Variants in MED15 observed in about 807,000 individuals in gnomAD.
MED15 encodes mediator of RNA polymerase II transcription subunit 15.
In MED15, 41 loss-of-function variants were observed where a neutral mutation model predicts 118.7. The observed-to-expected ratio is 0.35, with a 90% CI of 0.27 to 0.45. MED15 has a LOEUF of 0.45. MED15 is among the 20% of genes least tolerant of loss of function. The pLI is 1.00. For missense variants in MED15, 740 were observed against 1,025.5 expected (o/e 0.72, Z 3.80); for synonymous variants, 436 against 413.9 (o/e 1.05, Z -0.65).
At chr22:20,553,301 C>T (rs2055860952) in intron 4 of MED15, 127 bp downstream of exon 4, 3 of 988,646 alleles carry the variant, frequency 3.0e-6, no homozygotes, top group African/African-American at 3.3e-5. Flanking sequence ...GCGGAGAGAA[C>T]TCTGGAGGGA....
At chr22:20,556,236 A>G (rs1271585982) in intron 5 of MED15, among the ~76,000 whole-genome samples, 1 of 152,156 alleles carries the variant, frequency 6.6e-6, no homozygotes, top group Admixed American at 6.5e-5. Flanking sequence ...AACATTGTCA[A>G]AACCAAGAAA....
chr22:20,560,373 T>C (rs1460461567), intron 5 of MED15, among the ~76,000 whole-genome samples: 1 of 152,148 alleles, frequency 6.6e-6, no homozygotes, highest in Non-Finnish European at 1.5e-5. Context: ...CAAGCGATTC[T>C]CCTGCCTCAG....
chr22:20,519,402 T>A (rs1476674214), intron 1 of MED15, among the ~76,000 whole-genome samples: 3 of 151,976 alleles, frequency 2.0e-5, no homozygotes, highest in Admixed American at 6.6e-5. Flanking sequence ...TGCTTTACCT[T>A]CTTTCCAAGC....
chr22:20,544,573 A>G (rs979900260), intron 2 of MED15, among the ~76,000 whole-genome samples: 18 of 152,300 alleles, frequency 1.2e-4, no homozygotes, highest in African/African-American at 4.1e-4. Flanking sequence ...AGGCTGAGGC[A>G]GGAGAATGGC....
intron 16 of MED15, 167 bp from the exon 17 acceptor site, chr22:20,585,561 T>A: frequency 1.4e-6 from 1 of 726,734 alleles, no homozygotes; most frequent in Non-Finnish European, 2.3e-6. Flanking sequence ...TGCAGAGCAC[T>A]CCAGGCTTCA....
chr22:20,547,171 T>C (rs982216781), intron 2 of MED15, among the ~76,000 whole-genome samples: 1 of 152,220 alleles, frequency 6.6e-6, no homozygotes, highest in Admixed American at 6.5e-5. Context: ...TTACCACTGA[T>C]AACAAAAGGT....
chr22:20,548,060 G>T (rs1463085941), intron 2 of MED15, among the ~76,000 whole-genome samples: 2 of 152,104 alleles, frequency 1.3e-5, no homozygotes, highest in African/African-American at 4.8e-5. Flanking sequence ...AGTTGCCCAG[G>T]CTGAACTCCT....
chr22:20,547,676 C>T (rs1017916369), intron 2 of MED15, among the ~76,000 whole-genome samples: 1 of 152,014 alleles, frequency 6.6e-6, no homozygotes, highest in Admixed American at 6.6e-5. Context: ...AAAAATTAGC[C>T]AGACGTGGTG....
intron 2 of MED15, among the ~76,000 whole-genome samples, chr22:20,540,129 C>G (rs1020999079): frequency 1.3e-5 from 2 of 151,766 alleles, no homozygotes; most frequent in African/African-American, 4.8e-5. Context: ...GTAATCATCC[C>G]GGAGAGCAGG....
intron 1 of MED15, chr22:20,523,144 T>A (rs1402836254): frequency 6.6e-6 from 1 of 152,194 alleles, no homozygotes; most frequent in Non-Finnish European, 1.5e-5. Context: ...ATTTTAAATA[T>A]GTAAATATAT....
intron 4 of MED15, among the ~76,000 whole-genome samples, chr22:20,553,492 A>G (rs548549300): frequency 1.6e-4 from 24 of 152,354 alleles, no homozygotes; most frequent in African/African-American, 5.5e-4. Context: ...GAGAATTATT[A>G]TGCTGTTTTC....
chr22:20,586,826 C>A lies in MED15; in HGVS notation c.*122C>A. 7.1e-7 allele frequency: 1 copy of A among 1,401,974 alleles called. No homozygotes were observed. Among genetic ancestry groups the A allele is most frequent in the Non-Finnish European group, 9.6e-7 (1 of 1,044,308 alleles). The allele number at this position is 1,401,974 out of a possible 1,614,324, so 86.8% of individuals were successfully genotyped here. On this transcript the variant is annotated 3_prime_UTR_variant, in exon 18 of 18. Coordinates refer to ENST00000263205, the MANE Select transcript of MED15 (RefSeq NM_001003891.3). ...GTTAGGTTAGCTTTCCTGCTTTTAT[C>A]TTCTGCCTTGGGGACCTGCCAAACG...
chr22:20,525,310 G>A (rs1046023818), intron 1 of MED15, among the ~76,000 whole-genome samples: 8 of 147,572 alleles, frequency 5.4e-5, no homozygotes, highest in Non-Finnish European at 1.2e-4. Context: ...AGGTGAACAT[G>A]AGTTTTTTTG....
chr22:20,515,687 G>A (rs1461104907), intron 1 of MED15, among the ~76,000 whole-genome samples: 1 of 151,924 alleles, frequency 6.6e-6, no homozygotes, highest in Non-Finnish European at 1.5e-5. Flanking sequence ...TGGGGAGGCT[G>A]AGGCAGGAGA....
intron 1 of MED15, among the ~76,000 whole-genome samples, chr22:20,516,180 G>T (rs371522620): frequency 6.6e-6 from 1 of 151,536 alleles, no homozygotes; most frequent in Non-Finnish European, 1.5e-5. Context: ...GGGCATGGTG[G>T]TACATGCCTG....
At chr22:20,565,267 T>C (rs1019949586) in intron 6 of MED15, among the ~76,000 whole-genome samples, 1 of 152,192 alleles carries the variant, frequency 6.6e-6, no homozygotes, top group African/African-American at 2.4e-5. Flanking sequence ...GTTCAGGGGC[T>C]GCGAGGGATT....
chr22:20,558,344 G>C (rs545139447), intron 5 of MED15, among the ~76,000 whole-genome samples: 118 of 152,158 alleles, frequency 7.8e-4, no homozygotes, highest in Non-Finnish European at 8.7e-4. Context: ...TGGGTCAGAG[G>C]TTTTGCCAGG....
intron 1 of MED15, among the ~76,000 whole-genome samples, chr22:20,536,020 G>A (rs967542737): frequency 5.9e-5 from 9 of 151,860 alleles, no homozygotes; most frequent in Non-Finnish European, 2.9e-5. Flanking sequence ...GAGATTACAG[G>A]CATGCGCAAC....
At chr22:20,511,012 CTT>C (rs2054044985) in intron 1 of MED15, among the ~76,000 whole-genome samples, 1 of 152,092 alleles carries the variant, frequency 6.6e-6, no homozygotes, top group African/African-American at 2.4e-5. Context: ...CTAGGGTTCA[CTT>C]TCTCTCTAGG....
Sources: gnomAD v4.1 joint callset for allele counts (sites outside exome capture counted in the v4.1 genomes callset) on GRCh38, gnomAD v4.1.1 for gene constraint, MANE v1.5 for transcripts, NCBI Gene and HGNC (gene_info 2026-07-23, HGNC 2026-07-21) for gene names.